The following MYBPC1 variants were observed in gnomAD, a reference collection of about 807,000 sequenced individuals.
MYBPC1 encodes the protein myosin binding protein C1.
MYBPC1 carries 52 observed loss-of-function variants against 147.1 expected under a neutral mutation model. The observed-to-expected ratio is 0.35, with a 90% CI of 0.28 to 0.45. The LOEUF is 0.45. Ranked by LOEUF, MYBPC1 falls within the 20% of genes least tolerant of loss-of-function variation. The pLI is 1.00. For synonymous variants in MYBPC1, 477 were observed against 475.9 expected, an observed-to-expected ratio of 1.00 and a Z score of -0.03; for missense variants, 1,228 against 1,440.3, an observed-to-expected ratio of 0.85 and a Z score of 2.39.
At chr12:101,625,812 G>T (rs753857430) in intron 3 of MYBPC1, among the ~76,000 whole-genome samples, 6 of 152,034 alleles carry the variant, frequency 3.9e-5, no homozygotes, top group African/African-American at 7.2e-5. Context: ...TCTGCCAGGC[G>T]CGGTGGCTCA....
chr12:101,673,621 T>C lies in MYBPC1; in HGVS notation c.2808T>C (p.Ile936=). The change falls in exon 25 of 32, where the codon ATT becomes ATC. Residue 936 remains isoleucine, a splice_region_variant and synonymous_variant. Transcript: ENST00000361466. ...VETASIDIQI[I]DRPGPPQIVK... The stretch of plus-strand genomic sequence containing the variant: ...CCGCATCAATTGACATCCAGATCAT[T>C]GGTAGGTTTAGATGAAGGAGCCAGA... 1.2e-6 allele frequency: 2 copies of C among 1,614,144 alleles called. No homozygotes were observed. Among genetic ancestry groups the C allele is most frequent in the Non-Finnish European group, 1.7e-6 (2 of 1,180,004 alleles).
chr12:101,690,209 C>A (rs961718768), downstream of MYBPC1, among the ~76,000 whole-genome samples: 2 of 152,016 alleles, frequency 1.3e-5, no homozygotes, highest in Non-Finnish European at 2.9e-5. Context: ...TCTAGCCCTG[C>A]CCCAGATCCT....
At chr12:101,596,783 AT>A (rs1229217532) in intron 1 of MYBPC1, among the ~76,000 whole-genome samples, 2 of 151,962 alleles carry the variant, frequency 1.3e-5, no homozygotes, top group African/African-American at 4.8e-5. Context: ...CCCAATATAT[AT>A]TTTTTTCTTT....
At chr12:101,612,900 A>G (rs1191726006) in intron 1 of MYBPC1, among the ~76,000 whole-genome samples, 1 of 152,238 alleles carries the variant, frequency 6.6e-6, no homozygotes, top group Non-Finnish European at 1.5e-5. Flanking sequence ...GATTCTTTCC[A>G]TGATGTAGTG....
intron 18 of MYBPC1, among the ~76,000 whole-genome samples, chr12:101,654,576 T>C (rs891592666): frequency 1.3e-5 from 2 of 152,166 alleles, no homozygotes; most frequent in Admixed American, 1.3e-4. Context: ...ATACATACTA[T>C]ACATACTGGA....
At position 101,614,523 on chromosome 12, in the gene MYBPC1, C is replaced by A. The variant is rs539672799; in HGVS notation, c.53C>A (p.Pro18His). 2 of 1,613,686 alleles carry A rather than the reference C, an allele frequency of 1.2e-6. No individual in the cohort carries two copies. The highest frequency in any genetic ancestry group is 2.2e-5 in the South Asian group (2 of 91,028). ...EENEVPAPAPPPEEPSKEKEA... is the reference protein window; with the variant it reads ...EENEVPAPAPHPEEPSKEKEA... Reference sequence around the variant, plus strand: ...AATGAAGTGCCAGCCCCAGCCCCACCCCCGGAAGGTGAGTAAAAACACTCA... The same window carrying A: ...AATGAAGTGCCAGCCCCAGCCCCACACCCGGAAGGTGAGTAAAAACACTCA... Residue 18 changes from proline to histidine, a missense_variant, in exon 2 of 32, where the codon CCC becomes CAC. Transcript: ENST00000361466.
At chr12:101,612,408 G>T (rs1884626715) in intron 1 of MYBPC1, among the ~76,000 whole-genome samples, 1 of 152,194 alleles carries the variant, frequency 6.6e-6, no homozygotes, top group Admixed American at 6.5e-5. Flanking sequence ...CTGCTGGGAA[G>T]AACAGTGGCA....
intron 21 of MYBPC1, among the ~76,000 whole-genome samples, chr12:101,663,041 C>A (rs1180703396): frequency 6.6e-6 from 1 of 152,000 alleles, no homozygotes; most frequent in Non-Finnish European, 1.5e-5. Context: ...AAAAAGATAT[C>A]TCCATTATTT....
At chr12:101,674,610 TG>T (rs1300417478) in intron 25 of MYBPC1, among the ~76,000 whole-genome samples, 1 of 152,028 alleles carries the variant, frequency 6.6e-6, no homozygotes, top group Non-Finnish European at 1.5e-5. Context: ...GGCTCACACC[TG>T]TAATACCAGC....
chr12:101,655,992 G>T (rs1165767168), intron 18 of MYBPC1, among the ~76,000 whole-genome samples: 1 of 152,030 alleles, frequency 6.6e-6, no homozygotes, highest in Non-Finnish European at 1.5e-5. Flanking sequence ...TTATATTTAT[G>T]TATTTTATAT....
At chr12:101,609,173 G>T (rs528662806) in intron 1 of MYBPC1, among the ~76,000 whole-genome samples, 1 of 152,264 alleles carries the variant, frequency 6.6e-6, no homozygotes, top group Admixed American at 6.5e-5. Flanking sequence ...TGAAAAGGGA[G>T]TGGAACGGGT....
chr12:101,601,317 C>T (rs1189077416), intron 1 of MYBPC1, among the ~76,000 whole-genome samples: 1 of 152,144 alleles, frequency 6.6e-6, no homozygotes. Flanking sequence ...TGTGGATAGG[C>T]TCAGTTTTAA....
rs555119074 is a variant in MYBPC1 at position 101,603,456 on chromosome 12, C to T, written c.25+8361C>T. Among the ~76,000 whole-genome samples, 17 of 152,230 alleles carry T rather than the reference C, an allele frequency of 1.1e-4. 1 individual carries two copies. The highest frequency in any genetic ancestry group is 3.4e-3 in the Middle Eastern group (1 of 294). ...TGACCACATAAAGAACTCTCCATGA[C>T]CACATATGGATGTGGTGGGTGATTG... On this transcript the variant is annotated intron_variant, in intron 1 of 31. Coordinates refer to ENST00000361466, the MANE Select transcript of MYBPC1 (RefSeq NM_002465.4).
intron 1 of MYBPC1, among the ~76,000 whole-genome samples, chr12:101,611,113 A>G (rs1884118640): frequency 6.6e-6 from 1 of 152,178 alleles, no homozygotes; most frequent in South Asian, 2.1e-4. Flanking sequence ...TTTGAGAAGA[A>G]AAAGTTCTGG....
At chr12:101,668,165 C>G (rs955250690) in intron 23 of MYBPC1, among the ~76,000 whole-genome samples, 4 of 152,084 alleles carry the variant, frequency 2.6e-5, no homozygotes, top group African/African-American at 7.2e-5. Flanking sequence ...GCTGGGCTGC[C>G]TATTTACAGT....
chr12:101,606,023 C>A (rs1306667312), intron 1 of MYBPC1, among the ~76,000 whole-genome samples: 2 of 151,778 alleles, frequency 1.3e-5, no homozygotes, highest in South Asian at 4.2e-4. Context: ...GGCGAAACTT[C>A]GTCTCTACTA....
intron 17 of MYBPC1, 106 bp downstream of exon 17, chr12:101,652,890 T>C (rs1469889228): frequency 5.2e-5 from 59 of 1,127,638 alleles, no homozygotes; most frequent in Non-Finnish European, 7.5e-5. Flanking sequence ...TAAGGAAAAA[T>C]ACATCAATTG....
In MYBPC1 at chr12:101,626,883, G is replaced by C; in HGVS notation, c.115G>C (p.Val39Leu). 1 of 1,612,814 alleles carries C rather than the reference G, an allele frequency of 6.2e-7. No homozygotes were observed. The highest frequency in any genetic ancestry group is 1.1e-5 in the South Asian group (1 of 91,074). ...GTTPAKDEEE[V>L]SPPSALPPGL... ...ATTTCTTGTTTCAGATGAAGAGGAAGTCTCCCCGCCTAGCGCCTTGCCTCC... is the reference window on the plus strand; with the variant it reads ...ATTTCTTGTTTCAGATGAAGAGGAACTCTCCCCGCCTAGCGCCTTGCCTCC... Residue 39 changes from valine to leucine, a missense_variant, in exon 4 of 32, where the codon GTC becomes CTC. Val to Leu is a conservative substitution (Grantham distance 32). Transcript: ENST00000361466.
chr12:101,646,940 C>T (rs560844115), intron 13 of MYBPC1, 53 bp downstream of exon 13: 6 of 1,603,696 alleles, frequency 3.7e-6, no homozygotes, highest in Admixed American at 3.3e-5. Flanking sequence ...CTTCTTCTCC[C>T]AGGGATAATG....
Sources: allele counts gnomAD v4.1 joint callset (sites outside exome capture counted in the v4.1 genomes callset), GRCh38; gene constraint gnomAD v4.1.1; transcripts MANE v1.5; gene names NCBI Gene and HGNC (gene_info 2026-07-23, HGNC 2026-07-21).